The following GALNTL6 variants were observed in gnomAD, a reference collection of about 807,000 sequenced individuals.
The protein encoded by GALNTL6 is polypeptide N-acetylgalactosaminyltransferase like 6, also known as polypeptide N-acetylgalactosaminyltransferase-like 6.
Under a neutral mutation model 73.7 loss-of-function variants are expected in GALNTL6, and 46 were observed. The observed-to-expected ratio is 0.62, with a 90% CI of 0.49 to 0.80. The LOEUF (loss-of-function observed/expected upper bound fraction) is 0.80, where lower values mean the gene tolerates loss of function less well. Ranked by LOEUF, GALNTL6 falls within the 30% of genes least tolerant of loss-of-function variation. GALNTL6 has a pLI of 0.00. For missense variants in GALNTL6, 604 were observed against 755.0 expected (o/e 0.80, Z 2.34); for synonymous variants, 259 against 263.7 (o/e 0.98, Z 0.17).
chr4:173,019,482 A>C (rs947932857), intron 11 of GALNTL6, among the ~76,000 whole-genome samples: 3 of 152,192 alleles, frequency 2.0e-5, no homozygotes, highest in Admixed American at 2.0e-4. Flanking sequence ...GTGCTTCAAA[A>C]TCCAAGAGAG....
intron 2 of GALNTL6, among the ~76,000 whole-genome samples, chr4:171,951,799 T>G (rs1738889856): frequency 6.6e-6 from 1 of 152,038 alleles, no homozygotes; most frequent in Admixed American, 6.6e-5. Flanking sequence ...AATTATACAC[T>G]TCTACTAATA....
At chr4:172,212,461 T>C (rs1050503257) in intron 2 of GALNTL6, among the ~76,000 whole-genome samples, 1 of 152,132 alleles carries the variant, frequency 6.6e-6, no homozygotes. Flanking sequence ...GCCCAGCCAA[T>C]GATTAGCTTT....
chr4:171,945,631 C>T (rs1229366939), intron 2 of GALNTL6, among the ~76,000 whole-genome samples: 5 of 152,018 alleles, frequency 3.3e-5, no homozygotes, highest in Non-Finnish European at 7.4e-5. Context: ...TCTTTCTGCT[C>T]ATAAAGAATT....
rs536437330 is a variant in GALNTL6 at position 172,038,897 on chromosome 4, T to G, written c.139-190759T>G. Among the ~76,000 whole-genome samples the G allele has an allele frequency of 8.5e-5, 13 of 152,296 alleles. No homozygotes were observed. The East Asian group carries it at 2.5e-3, about 29-fold the overall frequency. On this transcript the variant is annotated intron_variant, in intron 2 of 12. Transcript: ENST00000506823. ...AAGAAGTAGCTGGCCCTGAAAACATTGGCATTGGCACTGTCCAAGAGAATC... is the reference window on the plus strand; with the variant it reads ...AAGAAGTAGCTGGCCCTGAAAACATGGGCATTGGCACTGTCCAAGAGAATC...
chr4:171,880,980 A>G (rs1736430488), intron 2 of GALNTL6, among the ~76,000 whole-genome samples: 1 of 152,160 alleles, frequency 6.6e-6, no homozygotes, highest in African/African-American at 2.4e-5. Flanking sequence ...AGCAATGTGA[A>G]CAAGCCAAAG....
chr4:172,522,672 C>G lies in GALNTL6; in HGVS notation c.553+173983C>G, dbSNP rs761011479. On this transcript the variant is annotated intron_variant, in intron 5 of 12. Transcript: ENST00000506823. ...GTAACGAGTGAAACTCAGTCCCCCC[C>G]CCCCCCAAAAAAAAAGTGTATTTTA... Among the ~76,000 whole-genome samples the G allele has an allele frequency of 1.6e-4, 10 of 64,210 alleles. No individual in the cohort carries two copies. The East Asian group carries it at 2.5e-3, about 16-fold the overall frequency. 42.1% of individuals were successfully genotyped at this position (64,210 alleles called of 152,430 possible). A position where few individuals can be genotyped will look rare whatever the true frequency, so the allele number is the denominator to read the frequency against.
At chr4:171,875,910 C>A (rs1004724267) in intron 2 of GALNTL6, among the ~76,000 whole-genome samples, 2 of 151,500 alleles carry the variant, frequency 1.3e-5, no homozygotes, top group Non-Finnish European at 2.9e-5. Flanking sequence ...GGTTAAAAAC[C>A]ATGTTGTATA....
At chr4:171,959,342 G>A (rs1739147443) in intron 2 of GALNTL6, among the ~76,000 whole-genome samples, 1 of 152,096 alleles carries the variant, frequency 6.6e-6, no homozygotes, top group Non-Finnish European at 1.5e-5. Context: ...CTGAGCCATG[G>A]AATTTAAAAG....
chr4:172,454,145 T>A (rs1732309953), intron 5 of GALNTL6, among the ~76,000 whole-genome samples: 1 of 152,072 alleles, frequency 6.6e-6, no homozygotes, highest in African/African-American at 2.4e-5. Context: ...ATAAAAAAAA[T>A]AATAAGAGGC....
rs542659102 is a variant in GALNTL6 at position 172,966,869 on chromosome 4, A to G, written c.1371+14611A>G. 6.5e-4 allele frequency among the ~76,000 whole-genome samples: 99 copies of G among 152,048 alleles called. 1 individual carries two copies. Among genetic ancestry groups the G allele is most frequent in the Non-Finnish European group, 7.6e-4 (52 of 68,040 alleles). On this transcript the variant is annotated intron_variant, in intron 10 of 12. Coordinates refer to ENST00000506823, the MANE Select transcript of GALNTL6 (RefSeq NM_001034845.3). ...ACCGTGGGCACTGCCCCAAGCTCTG[A>G]GAAGTGTGGTGACTGTGCCGCTAAA...
chr4:172,347,486 G>A (rs1487294607), intron 4 of GALNTL6, among the ~76,000 whole-genome samples: 1 of 152,164 alleles, frequency 6.6e-6, no homozygotes, highest in East Asian at 1.9e-4. Context: ...ATGTATCAAA[G>A]CACAATTAGT....
At chr4:171,814,825 C>A in intron 2 of GALNTL6, 107 bp downstream of exon 2, 2 of 1,075,834 alleles carry the variant, frequency 1.9e-6, no homozygotes, top group Non-Finnish European at 2.7e-6. Flanking sequence ...TCCCCCAAGT[C>A]TTGACAGAGC....
intron 7 of GALNTL6, among the ~76,000 whole-genome samples, chr4:172,833,629 G>T (rs988684059): frequency 3.3e-5 from 5 of 152,162 alleles, no homozygotes; most frequent in African/African-American, 1.2e-4. Flanking sequence ...TATAGTTAGT[G>T]TGACTTTAGG....
intron 10 of GALNTL6, among the ~76,000 whole-genome samples, chr4:172,969,211 T>C (rs1480978284): frequency 6.6e-6 from 1 of 152,110 alleles, no homozygotes; most frequent in South Asian, 2.1e-4. Context: ...ATGAAGGGTA[T>C]ATTAGAAGAA....
intron 5 of GALNTL6, among the ~76,000 whole-genome samples, chr4:172,652,174 A>C (rs1740503649): frequency 6.6e-6 from 1 of 152,360 alleles, no homozygotes; most frequent in Middle Eastern, 3.4e-3. Flanking sequence ...TTGTCAGCAA[A>C]GTCCATCTGT....
At chr4:172,685,005 G>T (rs1011202791) in intron 5 of GALNTL6, among the ~76,000 whole-genome samples, 6 of 152,062 alleles carry the variant, frequency 3.9e-5, no homozygotes, top group African/African-American at 1.4e-4. Flanking sequence ...TAGTATGATT[G>T]TTACCTTGTA....
At chr4:172,873,084 G>A (rs890542969) in intron 7 of GALNTL6, among the ~76,000 whole-genome samples, 6 of 152,200 alleles carry the variant, frequency 3.9e-5, no homozygotes, top group African/African-American at 1.4e-4. Context: ...TCACATACTG[G>A]CTAAAATTAT....
intron 5 of GALNTL6, among the ~76,000 whole-genome samples, chr4:172,567,357 TGCCCTGATAGGTAA>T (rs1388160133): frequency 6.6e-6 from 1 of 152,078 alleles, no homozygotes; most frequent in Non-Finnish European, 1.5e-5. Context: ...GTCCTGCTTG[TGCCCTGATAGGTAA>T]GCCCTGAGAT....
chr4:172,920,641 A>G (rs866846282), intron 8 of GALNTL6, among the ~76,000 whole-genome samples: 3 of 152,222 alleles, frequency 2.0e-5, no homozygotes, highest in African/African-American at 7.2e-5. Flanking sequence ...TTTAATTTAT[A>G]ATAAACAACT....
Sources: gnomAD v4.1 joint callset for allele counts (sites outside exome capture counted in the v4.1 genomes callset) on GRCh38, gnomAD v4.1.1 for gene constraint, MANE v1.5 for transcripts, NCBI Gene and HGNC (gene_info 2026-07-23, HGNC 2026-07-21) for gene names.